The following AVEN variants were observed in gnomAD, a reference collection of about 807,000 sequenced individuals.
AVEN encodes cell death regulator Aven.
Under a neutral mutation model 38.1 loss-of-function variants are expected in AVEN, and 41 were observed. The observed-to-expected ratio is 1.08, with a 90% CI of 0.84 to 1.40. The LOEUF is 1.40. AVEN is among the 40% of genes most tolerant of loss of function. The probability of loss-of-function intolerance (pLI) is 0.00; values close to 1 mark genes in which losing one functional copy is unlikely to be tolerated. For synonymous variants in AVEN, 206 were observed against 171.8 expected (o/e 1.20, Z -1.56); for missense variants, 605 against 438.8 (o/e 1.38, Z -3.38).
At chr15:33,881,147 G>A (rs1891469936) in intron 2 of AVEN, among the ~76,000 whole-genome samples, 1 of 152,104 alleles carries the variant, frequency 6.6e-6, no homozygotes, top group Admixed American at 6.5e-5. Flanking sequence ...GGAGTGCAGT[G>A]GCACAATCAG....
chr15:33,914,771 A>T (rs546672131), intron 2 of AVEN, among the ~76,000 whole-genome samples: 44 of 151,874 alleles, frequency 2.9e-4, no homozygotes, highest in East Asian at 1.4e-3. Context: ...ATTTTTTTTT[A>T]AAAGTGTAGG....
chr15:33,856,912 C>G (rs1009339058), downstream of AVEN: 4 of 152,288 alleles, frequency 2.6e-5, no homozygotes, highest in East Asian at 3.9e-4. Context: ...CCGCCTCGGC[C>G]TCCTAAAGTG....
chr15:34,022,115 T>G (rs1898228051), intron 1 of AVEN, among the ~76,000 whole-genome samples: 1 of 152,246 alleles, frequency 6.6e-6, no homozygotes, highest in Admixed American at 6.5e-5. Flanking sequence ...TGCATGACAT[T>G]TGAAAGCTGT....
At chr15:33,862,712 G>C (rs546231714), downstream of AVEN, among the ~76,000 whole-genome samples, 2 of 151,954 alleles carry the variant, frequency 1.3e-5, no homozygotes, top group Non-Finnish European at 2.9e-5. Flanking sequence ...CTGGATTCAA[G>C]TGATTCTCCT....
chr15:34,005,758 T>A (rs114720437), intron 1 of AVEN, among the ~76,000 whole-genome samples: 2 of 152,334 alleles, frequency 1.3e-5, no homozygotes, highest in African/African-American at 2.4e-5. Context: ...TAGTCAATAA[T>A]CCTCACCTGA....
At chr15:33,918,450 A>C (rs1893245799) in intron 2 of AVEN, among the ~76,000 whole-genome samples, 1 of 145,080 alleles carries the variant, frequency 6.9e-6, no homozygotes, top group Non-Finnish European at 1.5e-5. Flanking sequence ...CCCAGTCTTA[A>C]ATTACAGCTT....
At chr15:34,006,331 T>C (rs1219769947) in intron 1 of AVEN, among the ~76,000 whole-genome samples, 5 of 150,904 alleles carry the variant, frequency 3.3e-5, no homozygotes, top group South Asian at 2.1e-4. Context: ...AAAACAGCCT[T>C]GTAACTGATG....
chr15:34,026,195 A>G (rs953950687), intron 1 of AVEN, among the ~76,000 whole-genome samples: 2 of 151,460 alleles, frequency 1.3e-5, no homozygotes, highest in African/African-American at 4.9e-5. Flanking sequence ...TTTTTTTTTT[A>G]CTTAAAAGTC....
At chr15:34,045,145 T>G (rs1899638889) in intron 5 of AVEN, among the ~76,000 whole-genome samples, 1 of 152,362 alleles carries the variant, frequency 6.6e-6, no homozygotes, top group African/African-American at 2.4e-5. Context: ...AACTTTATTC[T>G]TACATTCTCT....
intron 2 of AVEN, among the ~76,000 whole-genome samples, chr15:33,992,315 G>A (rs1028993290): frequency 1.3e-5 from 2 of 152,088 alleles, no homozygotes; most frequent in Non-Finnish European, 2.9e-5. Flanking sequence ...GCGTCAGCCC[G>A]GGGGGCGGAG....
intron 2 of AVEN, among the ~76,000 whole-genome samples, chr15:33,885,240 T>C (rs955558675): frequency 6.6e-6 from 1 of 152,178 alleles, no homozygotes; most frequent in Non-Finnish European, 1.5e-5. Flanking sequence ...AAAAATAAAA[T>C]GTCCTCTTTC....
intron 1 of AVEN, among the ~76,000 whole-genome samples, chr15:34,010,570 G>A (rs1279292890): frequency 1.3e-5 from 1 of 76,066 alleles, no homozygotes; most frequent in Non-Finnish European, 3.0e-5. Flanking sequence ...CTAGTAAGGA[G>A]TTCAAAAACA....
At chr15:33,982,464 T>C (rs1474115444) in intron 2 of AVEN, among the ~76,000 whole-genome samples, 1 of 152,204 alleles carries the variant, frequency 6.6e-6, no homozygotes, top group Non-Finnish European at 1.5e-5. Context: ...TACTAAAATA[T>C]TTTCTGGAGC....
intron 2 of AVEN, among the ~76,000 whole-genome samples, chr15:33,917,263 A>G (rs1426473106): frequency 6.6e-6 from 1 of 151,976 alleles, no homozygotes; most frequent in Non-Finnish European, 1.5e-5. Context: ...AGATACTTGC[A>G]CATACGTTTG....
chr15:33,901,434 A>C (rs919748530), intron 2 of AVEN, among the ~76,000 whole-genome samples: 1 of 152,214 alleles, frequency 6.6e-6, no homozygotes, highest in Non-Finnish European at 1.5e-5. Flanking sequence ...CATTGTCTCC[A>C]TATCTTCGCT....
At chr15:33,978,421 T>C (rs1895987825) in intron 2 of AVEN, among the ~76,000 whole-genome samples, 1 of 152,188 alleles carries the variant, frequency 6.6e-6, no homozygotes, top group Non-Finnish European at 1.5e-5. Context: ...CCCAGCACTT[T>C]AGGAGCCCGA....
Position 33,866,714 on chromosome 15 carries a change from A to G in AVEN, c.988T>C (p.Ser330Pro). 1.2e-6 allele frequency: 2 copies of G among 1,613,486 alleles called. No individual in the cohort carries two copies. Among genetic ancestry groups the G allele is most frequent in the South Asian group, 1.1e-5 (1 of 91,028 alleles). ...VQEEEVCAKP[S>P]VTEEKNMEPE... ...TCCATGTTTTTTTCTTCAGTCACAGATGGTTTTGCACAAACTGGGGGAAAA... is the reference window on the plus strand; with the variant it reads ...TCCATGTTTTTTTCTTCAGTCACAGGTGGTTTTGCACAAACTGGGGGAAAA... Residue 330 changes from serine (S) to proline (P), a missense_variant, in exon 6 of 6, where the codon TCT becomes CCT. By Grantham distance (74) the Ser-to-Pro change is moderately conservative (BLOSUM62 -1). Coordinates refer to ENST00000306730, the MANE Select transcript of AVEN (RefSeq NM_020371.3).
chr15:33,972,503 A>AAAAAAC (rs5811807), intron 2 of AVEN: 142,769 of 151,696 alleles, frequency 0.94, 67,521 homozygotes, highest in Non-Finnish European at 0.99. Context: ...TGGATTTGTT[A>AAAAAAC]AAAAACAAAA....
At chr15:33,908,897 G>A (rs931483021) in intron 2 of AVEN, among the ~76,000 whole-genome samples, 11 of 152,200 alleles carry the variant, frequency 7.2e-5, no homozygotes, top group East Asian at 1.9e-4. Flanking sequence ...GCAGTCACCT[G>A]GGGTGGTCTA....
Sources: gnomAD v4.1 joint callset for allele counts (sites outside exome capture counted in the v4.1 genomes callset) on GRCh38, gnomAD v4.1.1 for gene constraint, MANE v1.5 for transcripts, NCBI Gene and HGNC (gene_info 2026-07-23, HGNC 2026-07-21) for gene names.